Variants in AKR1C3 observed in about 807,000 individuals in gnomAD.
AKR1C3 encodes the protein 3-alpha hydroxysteroid dehydrogenase, type II.
AKR1C3 carries 48 observed loss-of-function variants against 43.6 expected under a neutral mutation model. That is an observed-to-expected ratio of 1.10 (90% CI 0.87 to 1.40). AKR1C3 has a LOEUF of 1.40. Ranked by LOEUF, AKR1C3 falls within the 40% of genes most tolerant of loss-of-function variation. AKR1C3 has a pLI of 0.00. For synonymous variants in AKR1C3, 162 were observed against 139.6 expected, an observed-to-expected ratio of 1.16 and a Z score of -1.13; for missense variants, 482 against 391.2, an observed-to-expected ratio of 1.23 and a Z score of -1.96.
intron 7 of AKR1C3, among the ~76,000 whole-genome samples, chr10:5,103,536 C>T (rs1839412158): frequency 6.6e-6 from 1 of 152,104 alleles, no homozygotes; most frequent in South Asian, 2.1e-4. Context: ...CTTGGCTGGG[C>T]TCTCTCATGT....
intron 1 of AKR1C3, among the ~76,000 whole-genome samples, chr10:5,067,905 T>C (rs1838542711): frequency 6.6e-6 from 1 of 152,206 alleles, no homozygotes; most frequent in Non-Finnish European, 1.5e-5. Flanking sequence ...CTAAACTTGA[T>C]TAACATTAGA....
rs144069799 is a variant in AKR1C3, at chr10:5,088,018, G to A, written c.85-8392G>A. The stretch of plus-strand genomic sequence containing the variant: ...CATATCCGAGAGATTTTGGCATGTT[G>A]TATGTCTATTTTCATTCATTTCAAA... On this transcript the variant is annotated intron_variant, in intron 1 of 8. Transcript: ENST00000439082. Among the ~76,000 whole-genome samples the A allele has an allele frequency of 7.3e-3, 1,110 of 152,082 alleles. 50 individuals carry two copies. Among genetic ancestry groups the A allele is most frequent in the Non-Finnish European group, 2.3e-3 (154 of 67,964 alleles).
chr10:5,080,933 G>C (rs1554782285), intron 1 of AKR1C3: 2 of 152,068 alleles, frequency 1.3e-5, no homozygotes. Flanking sequence ...ACTGCCCCAA[G>C]GAGTTTTAGA....
At chr10:5,076,789 A>T (rs929620048) in intron 1 of AKR1C3, among the ~76,000 whole-genome samples, 2 of 152,162 alleles carry the variant, frequency 1.3e-5, no homozygotes, top group Admixed American at 6.5e-5. Flanking sequence ...GTCTGGGGGA[A>T]GTTCTCCCTC....
chr10:5,063,022 G>A (rs1262657483), intron 1 of AKR1C3, among the ~76,000 whole-genome samples: 9 of 152,154 alleles, frequency 5.9e-5, no homozygotes, highest in Admixed American at 5.9e-4. Context: ...AATTCAGGAT[G>A]AAGGAGAGGA....
intron 1 of AKR1C3, among the ~76,000 whole-genome samples, chr10:5,060,351 T>G (rs1412310868): frequency 6.6e-6 from 1 of 152,196 alleles, no homozygotes; most frequent in African/African-American, 2.4e-5. Flanking sequence ...TGGTCTGTTT[T>G]ACAGAGAGCT....
Position 5,096,521 on chromosome 10 carries a change from C to A in AKR1C3, c.196C>A (p.Arg66=), listed in dbSNP as rs782405598. Residue 66 remains arginine, a synonymous_variant, in exon 2 of 9, where the codon CGA becomes AGA. Transcript: ENST00000380554. ...TGAGGAGCAGGTTGGACTGGCCATC[C>A]GAAGCAAGATTGCAGATGGCAGTGT... ...NNEEQVGLAI[R]SKIADGSVKR... 6.2e-7 allele frequency: 1 copy of A among 1,613,682 alleles called. No homozygotes were observed. The highest frequency in any genetic ancestry group is 1.7e-5 in the Admixed American group (1 of 59,986).
intron 1 of AKR1C3, among the ~76,000 whole-genome samples, chr10:5,074,081 T>G (rs2131807818): frequency 6.6e-6 from 1 of 152,036 alleles, no homozygotes. Context: ...ACCATTTGTC[T>G]CTTATCTATC....
chr10:5,080,132 A>G (rs1823651394), intron 1 of AKR1C3, among the ~76,000 whole-genome samples: 1 of 151,758 alleles, frequency 6.6e-6, no homozygotes, highest in African/African-American at 2.4e-5. Context: ...CTCACTGCCC[A>G]TGTCCGGACA....
chr10:5,103,081 G>A (rs1472926116), intron 7 of AKR1C3, among the ~76,000 whole-genome samples: 1 of 151,950 alleles, frequency 6.6e-6, no homozygotes, highest in Non-Finnish European at 1.5e-5. Context: ...AATAGAGAAG[G>A]TATTTCACCA....
chr10:5,068,060 A>C (rs1455728023), intron 1 of AKR1C3, among the ~76,000 whole-genome samples: 1 of 152,222 alleles, frequency 6.6e-6, no homozygotes, highest in Non-Finnish European at 1.5e-5. Flanking sequence ...CTTGTTTAAC[A>C]TGAAAATCTG....
intron 8 of AKR1C3, among the ~76,000 whole-genome samples, chr10:5,106,304 G>A (rs933310771): frequency 9.2e-5 from 14 of 152,140 alleles, no homozygotes; most frequent in African/African-American, 2.9e-4. Flanking sequence ...TCAAGGCAGA[G>A]AATTTAAAAA....
At chr10:5,067,656 C>T (rs1838536805) in intron 1 of AKR1C3, among the ~76,000 whole-genome samples, 1 of 152,206 alleles carries the variant, frequency 6.6e-6, no homozygotes, top group African/African-American at 2.4e-5. Flanking sequence ...GACATCCTTT[C>T]ATAAAATGTC....
chr10:5,073,676 A>G (rs945598850), intron 1 of AKR1C3, among the ~76,000 whole-genome samples: 2 of 152,200 alleles, frequency 1.3e-5, no homozygotes, highest in Non-Finnish European at 2.9e-5. Flanking sequence ...ATTAGTACCA[A>G]GGAGACATGA....
rs587774823 is a variant in AKR1C3, at chr10:5,107,655, A to C, written c.*152A>C. 2.7e-5 allele frequency: 16 copies of C among 581,880 alleles called. No individual in the cohort carries two copies. In the African/African-American group the frequency reaches 3.1e-4, roughly 11 times the overall value. The allele number at this position is 581,880 out of a possible 1,614,324, so 36.0% of individuals were successfully genotyped here. On this transcript the variant is annotated 3_prime_UTR_variant, in exon 9 of 9. Coordinates refer to ENST00000380554, the MANE Select transcript of AKR1C3 (RefSeq NM_003739.6). ...AACTACAGCTGAGTCCATAGGCCAGAAAGACAATAAATTTTTATCATTTTG... is the reference window on the plus strand; with the variant it reads ...AACTACAGCTGAGTCCATAGGCCAGCAAGACAATAAATTTTTATCATTTTG...
chr10:5,082,884 ATGTGTGGCAGAATTGAGTTGT>A (rs1838867007), intron 1 of AKR1C3, among the ~76,000 whole-genome samples: 1 of 152,044 alleles, frequency 6.6e-6, no homozygotes, highest in Admixed American at 6.6e-5. Context: ...TCTTCTTTCC[ATGTGTGGCAGAATTGAGTTGT>A]GAATCTCTCT....
At chr10:5,054,245 A>T (rs1474021405) in intron 1 of AKR1C3, among the ~76,000 whole-genome samples, 1 of 152,230 alleles carries the variant, frequency 6.6e-6, no homozygotes, top group Non-Finnish European at 1.5e-5. Flanking sequence ...GTAAGAATAG[A>T]TTTCGTTATT....
Position 5,102,611 on chromosome 10 carries a change from C to G in AKR1C3, c.807C>G (p.Ala269=), listed in dbSNP as rs1554786291. ...TGCAGCGTGGGGTTGTGGTCCTGGC[C>G]AAGAGCTACAATGAGCAGCGCATCA... ...YQLQRGVVVL[A]KSYNEQRIRQ... Residue 269 remains alanine, a synonymous_variant, in exon 7 of 9, where the codon GCC becomes GCG. Transcript: ENST00000380554. The G allele has an allele frequency of 7.9e-6, 12 of 1,514,104 alleles. No individual in the cohort carries two copies. The highest frequency in any genetic ancestry group is 4.3e-5 in the Admixed American group (2 of 46,164). The allele number at this position is 1,514,104 out of a possible 1,614,324, so 93.8% of individuals were successfully genotyped here.
intron 1 of AKR1C3, among the ~76,000 whole-genome samples, chr10:5,062,098 T>C (rs10795241): frequency 0.31 from 47,764 of 152,052 alleles, 7,685 homozygotes; most frequent in East Asian, 0.41. Flanking sequence ...CATGGGGACA[T>C]AAATTTTCAT....
Sources: allele counts gnomAD v4.1 joint callset (sites outside exome capture counted in the v4.1 genomes callset), GRCh38; gene constraint gnomAD v4.1.1; transcripts MANE v1.5; gene names NCBI Gene and HGNC (gene_info 2026-07-23, HGNC 2026-07-21).